RARB: variants seen among roughly 807,000 people sequenced by gnomAD.
RARB encodes the protein retinoic acid receptor beta, also known as HBV-activated protein.
RARB carries 17 observed loss-of-function variants against 51.9 expected under a neutral mutation model. The observed-to-expected ratio is 0.33, with a 90% confidence interval of 0.22 to 0.49. The LOEUF is 0.49. Among genes scored for constraint, RARB ranks in the 20% least tolerant of loss-of-function variants. The probability of loss-of-function intolerance (pLI) is 0.99; values close to 1 mark genes in which losing one functional copy is unlikely to be tolerated. For missense variants in RARB, 369 were observed against 550.8 expected (o/e 0.67, Z 3.30); for synonymous variants, 215 against 195.4 (o/e 1.10, Z -0.84).
chr3:24,885,856 T>C (rs140343913), intron 2 of RARB, among the ~76,000 whole-genome samples: 15 of 152,338 alleles, frequency 9.8e-5, no homozygotes, highest in African/African-American at 2.4e-5. Context: ...AGTTGTATCA[T>C]ATGTGCCTTT....
chr3:25,532,700 T>A (rs1009531316), intron 3 of RARB, among the ~76,000 whole-genome samples: 1 of 152,220 alleles, frequency 6.6e-6, no homozygotes, highest in African/African-American at 2.4e-5. Context: ...TCTCAAATTA[T>A]TATGAACATG....
At chr3:25,452,433 T>C (rs1459755403) in intron 1 of RARB, among the ~76,000 whole-genome samples, 1 of 148,294 alleles carries the variant, frequency 6.7e-6, no homozygotes, top group Non-Finnish European at 1.5e-5. Context: ...ACAGAGTGAT[T>C]AGTGGGTCCT....
At chr3:24,957,872 A>G (rs1696051436) in intron 2 of RARB, among the ~76,000 whole-genome samples, 2 of 152,204 alleles carry the variant, frequency 1.3e-5, no homozygotes, top group South Asian at 4.1e-4. Context: ...TTATTCCCAT[A>G]ATACGGTATT....
intron 5 of RARB, among the ~76,000 whole-genome samples, chr3:25,196,785 C>T (rs1164607680): frequency 6.6e-6 from 1 of 152,096 alleles, no homozygotes; most frequent in African/African-American, 2.4e-5. Flanking sequence ...GGTGGTATCT[C>T]ATTGTGGTTT....
intron 5 of RARB, among the ~76,000 whole-genome samples, chr3:25,341,457 G>T (rs1001296033): frequency 6.6e-6 from 1 of 152,148 alleles, no homozygotes; most frequent in African/African-American, 2.4e-5. Flanking sequence ...TTTGTCTTCA[G>T]CAAAGACTTC....
chr3:25,487,130 CA>C (rs1553622213), intron 2 of RARB, among the ~76,000 whole-genome samples: 1 of 152,168 alleles, frequency 6.6e-6, no homozygotes, highest in Non-Finnish European at 1.5e-5. Flanking sequence ...AGTCAGCTAA[CA>C]GCTTCCTTAA....
intron 5 of RARB, among the ~76,000 whole-genome samples, chr3:25,191,593 A>G (rs1701105419): frequency 1.3e-5 from 2 of 152,122 alleles, no homozygotes; most frequent in African/African-American, 4.8e-5. Flanking sequence ...ATCCATATTG[A>G]GCTTTTAAAT....
chr3:25,031,952 A>C (rs190967956), intron 2 of RARB, among the ~76,000 whole-genome samples: 39 of 152,328 alleles, frequency 2.6e-4, no homozygotes, highest in Non-Finnish European at 4.9e-4. Flanking sequence ...ACTTTTCTTA[A>C]CACTATTGTT....
intron 1 of RARB, among the ~76,000 whole-genome samples, chr3:24,837,269 A>C (rs1286462240): frequency 6.6e-6 from 1 of 152,180 alleles, no homozygotes; most frequent in Non-Finnish European, 1.5e-5. Flanking sequence ...AGGTGAGTAA[A>C]GTTTAAACAG....
intron 5 of RARB, among the ~76,000 whole-genome samples, chr3:25,335,316 C>T (rs1464828129): frequency 6.6e-6 from 1 of 152,152 alleles, no homozygotes; most frequent in African/African-American, 2.4e-5. Flanking sequence ...TGCTAGAAGG[C>T]CATCCTAAGT....
chr3:25,114,925 TG>T (rs1240355000), intron 3 of RARB, among the ~76,000 whole-genome samples: 4 of 152,198 alleles, frequency 2.6e-5, no homozygotes. Context: ...ATTTTGGAAG[TG>T]TTGGACTCTG....
At position 25,461,179 on chromosome 3, in the gene RARB, C is replaced by T. The variant is rs1445803159; in HGVS notation, c.158-14C>T. On this transcript the variant is annotated splice_polypyrimidine_tract_variant and intron_variant, in intron 1 of 7. Coordinates refer to ENST00000330688, the MANE Select transcript of RARB (RefSeq NM_000965.5). ...TTTTCTCTTTTTTCTCCCTCTACCC[C>T]ATCTCTATTATAGCAATTGAAACAC... is the stretch of plus-strand genomic sequence containing the variant. 1 of 1,560,692 alleles carries T rather than the reference C, an allele frequency of 6.4e-7. No homozygotes were observed.
At chr3:25,262,695 C>T (rs1214535372) in intron 5 of RARB, among the ~76,000 whole-genome samples, 1 of 152,136 alleles carries the variant, frequency 6.6e-6, no homozygotes, top group Non-Finnish European at 1.5e-5. Flanking sequence ...TTACCTTGTG[C>T]CCACCTGGGA....
At chr3:25,067,692 C>G (rs1224878403) in intron 3 of RARB, among the ~76,000 whole-genome samples, 1 of 152,170 alleles carries the variant, frequency 6.6e-6, no homozygotes, top group Non-Finnish European at 1.5e-5. Flanking sequence ...TGCAAACCCC[C>G]TTCTCCTCCT....
intron 2 of RARB, among the ~76,000 whole-genome samples, chr3:24,919,715 A>C (rs892564707): frequency 6.6e-6 from 1 of 152,346 alleles, no homozygotes; most frequent in East Asian, 1.9e-4. Context: ...AAAAGGACCC[A>C]GAACAATGTG....
intron 1 of RARB, among the ~76,000 whole-genome samples, chr3:25,457,551 T>A (rs901161591): frequency 5.3e-5 from 8 of 152,244 alleles, no homozygotes; most frequent in Admixed American, 4.6e-4. Flanking sequence ...ATGACTCTTA[T>A]CCATAGGAAA....
intron 5 of RARB, among the ~76,000 whole-genome samples, chr3:25,365,174 T>TGCAA (rs1421025310): frequency 2.0e-5 from 3 of 149,908 alleles, no homozygotes; most frequent in African/African-American, 7.3e-5. Flanking sequence ...AAAAGGTATA[T>TGCAA]AAGCCAACCA....
chr3:25,352,773 C>T (rs1381440672), intron 5 of RARB, among the ~76,000 whole-genome samples: 1 of 152,170 alleles, frequency 6.6e-6, no homozygotes, highest in Admixed American at 6.6e-5. Flanking sequence ...GAATAAGTAA[C>T]ATCACTCATT....
intron 5 of RARB, among the ~76,000 whole-genome samples, chr3:25,256,823 A>T (rs1278584157): frequency 6.6e-6 from 1 of 151,908 alleles, no homozygotes; most frequent in Non-Finnish European, 1.5e-5. Flanking sequence ...AAATAAGAAT[A>T]TCCAAGAATG....
Sources: gnomAD v4.1 joint callset for allele counts (sites outside exome capture counted in the v4.1 genomes callset) on GRCh38, gnomAD v4.1.1 for gene constraint, MANE v1.5 for transcripts, NCBI Gene and HGNC (gene_info 2026-07-23, HGNC 2026-07-21) for gene names.